PID1: variants seen among roughly 807,000 people sequenced by gnomAD.
PID1 encodes phosphotyrosine interaction domain containing 1.
PID1 carries 10 observed loss-of-function variants against 19.1 expected under a neutral mutation model. The ratio of observed to expected loss-of-function variants is 0.52; its 90% CI spans 0.32 to 0.89. PID1 has a LOEUF of 0.89. Among genes scored for constraint, PID1 ranks in the 40% least tolerant of loss-of-function variants. The probability of loss-of-function intolerance (pLI) is 0.03; values close to 1 mark genes in which losing one functional copy is unlikely to be tolerated. For synonymous variants in PID1, 130 were observed against 116.0 expected (o/e 1.12, Z -0.78); for missense variants, 248 against 285.3 (o/e 0.87, Z 0.94).
At chr2:229,099,349 CA>C (rs140580303) in intron 2 of PID1, among the ~76,000 whole-genome samples, 1 of 152,254 alleles carries the variant, frequency 6.6e-6, no homozygotes, top group East Asian at 1.9e-4. Flanking sequence ...TAATTTTCAT[CA>C]ACCACTTTAC....
intron 2 of PID1, among the ~76,000 whole-genome samples, chr2:229,124,774 G>A (rs1695588764): frequency 6.6e-6 from 1 of 151,932 alleles, no homozygotes; most frequent in Non-Finnish European, 1.5e-5. Context: ...AAATTATATT[G>A]TGCTAGTTTG....
intron 1 of PID1, among the ~76,000 whole-genome samples, chr2:229,200,654 A>C (rs1691479931): frequency 6.6e-6 from 1 of 151,992 alleles, no homozygotes; most frequent in Non-Finnish European, 1.5e-5. Flanking sequence ...TCTTCCATCT[A>C]GGGCTTTCAA....
chr2:229,172,938 G>C (rs1247528890), intron 1 of PID1, among the ~76,000 whole-genome samples: 1 of 152,008 alleles, frequency 6.6e-6, no homozygotes, highest in Admixed American at 6.6e-5. Flanking sequence ...TCACCATGTT[G>C]GCCAGGCTGG....
intron 1 of PID1, among the ~76,000 whole-genome samples, chr2:229,219,384 G>A (rs1480963030): frequency 2.0e-5 from 3 of 152,074 alleles, no homozygotes; most frequent in African/African-American, 7.2e-5. Context: ...AGAAGTCCGG[G>A]GAAGCCCCTT....
intron 1 of PID1, among the ~76,000 whole-genome samples, chr2:229,183,142 G>C (rs1690981934): frequency 6.6e-6 from 1 of 152,198 alleles, no homozygotes; most frequent in African/African-American, 2.4e-5. Flanking sequence ...TATGAGAAGA[G>C]AGAAATTTGA....
At chr2:229,111,295 C>T (rs1487904777) in intron 2 of PID1, among the ~76,000 whole-genome samples, 1 of 152,164 alleles carries the variant, frequency 6.6e-6, no homozygotes, top group East Asian at 1.9e-4. Context: ...GGGGCAGAGG[C>T]ATCCTGTCTG....
intron 1 of PID1, among the ~76,000 whole-genome samples, chr2:229,250,027 G>A (rs988356302): frequency 4.6e-5 from 7 of 152,292 alleles, no homozygotes; most frequent in East Asian, 1.9e-4. Context: ...CTTAGCATCC[G>A]ATAAAGGCAC....
At chr2:229,194,197 A>G (rs1691322983) in intron 1 of PID1, among the ~76,000 whole-genome samples, 1 of 152,128 alleles carries the variant, frequency 6.6e-6, no homozygotes, top group Non-Finnish European at 1.5e-5. Flanking sequence ...TTAATCTCAA[A>G]GTCAGAAGAG....
chr2:229,222,306 G>A (rs756817242), intron 1 of PID1, among the ~76,000 whole-genome samples: 7 of 152,092 alleles, frequency 4.6e-5, no homozygotes, highest in Non-Finnish European at 8.8e-5. Context: ...TCCCCATCCT[G>A]TTATGGTCAC....
chr2:229,121,975 AG>A (rs1695532705), intron 2 of PID1, among the ~76,000 whole-genome samples: 2 of 152,206 alleles, frequency 1.3e-5, no homozygotes, highest in African/African-American at 4.8e-5. Flanking sequence ...CAGGGTGATC[AG>A]AGAAGAAGTC....
At chr2:229,031,462 A>C (rs1040480912) in intron 2 of PID1, among the ~76,000 whole-genome samples, 3 of 151,872 alleles carry the variant, frequency 2.0e-5, no homozygotes, top group African/African-American at 7.3e-5. Flanking sequence ...GAGGCTGAGC[A>C]GGAGAACTGC....
intron 2 of PID1, among the ~76,000 whole-genome samples, chr2:229,086,801 G>A (rs1193268504): frequency 1.3e-5 from 2 of 152,108 alleles, no homozygotes; most frequent in East Asian, 3.9e-4. Context: ...TTACAACTGT[G>A]AGCAGCAATG....
intron 1 of PID1, among the ~76,000 whole-genome samples, chr2:229,193,718 ATAAT>A (rs896463066): frequency 2.6e-5 from 4 of 152,022 alleles, no homozygotes; most frequent in South Asian, 2.1e-4. Context: ...TAAATGACAC[ATAAT>A]TAATAAATAA....
At chr2:229,221,715 T>C (rs958496987) in intron 1 of PID1, among the ~76,000 whole-genome samples, 32 of 152,190 alleles carry the variant, frequency 2.1e-4, no homozygotes, top group Admixed American at 5.9e-4. Context: ...GGAAAAGACC[T>C]ATATTCCAAC....
At chr2:229,254,243 T>C (rs1690231447) in intron 1 of PID1, among the ~76,000 whole-genome samples, 2 of 152,262 alleles carry the variant, frequency 1.3e-5, no homozygotes, top group Admixed American at 1.3e-4. Context: ...ATCAGGGTAT[T>C]GTTACCAGAA....
At chr2:229,197,517 G>A (rs140032175) in intron 1 of PID1, among the ~76,000 whole-genome samples, 3 of 151,830 alleles carry the variant, frequency 2.0e-5, no homozygotes, top group East Asian at 1.9e-4. Flanking sequence ...TTATGTAATC[G>A]CATATTATGA....
chr2:229,036,612 G>A (rs1693668552), intron 2 of PID1, among the ~76,000 whole-genome samples: 1 of 152,126 alleles, frequency 6.6e-6, no homozygotes, highest in Non-Finnish European at 1.5e-5. Flanking sequence ...GCTGGGTGTG[G>A]TGGCAGGCCC....
chr2:229,044,266 G>T (rs1693830653), intron 2 of PID1, among the ~76,000 whole-genome samples: 1 of 151,982 alleles, frequency 6.6e-6, no homozygotes, highest in Admixed American at 6.6e-5. Context: ...TGAGATGCTT[G>T]TGTGAGAAGA....
At chr2:229,028,040 G>C (rs2106162229) in intron 2 of PID1, among the ~76,000 whole-genome samples, 1 of 152,280 alleles carries the variant, frequency 6.6e-6, no homozygotes, top group East Asian at 1.9e-4. Flanking sequence ...GCGGGCAAGG[G>C]TGGCCTGGAT....
Sources: gnomAD v4.1 joint callset for allele counts (sites outside exome capture counted in the v4.1 genomes callset) on GRCh38, gnomAD v4.1.1 for gene constraint, MANE v1.5 for transcripts, NCBI Gene and HGNC (gene_info 2026-07-23, HGNC 2026-07-21) for gene names.